RBMS3: variants seen among roughly 807,000 people sequenced by gnomAD.
RBMS3 encodes RNA-binding motif, single-stranded-interacting protein 3.
A neutral mutation model predicts 66.8 loss-of-function variants in RBMS3; 27 were observed. The observed-to-expected ratio is 0.40, with a 90% CI of 0.30 to 0.56. RBMS3 has a LOEUF of 0.56. Among genes scored for constraint, RBMS3 ranks in the 20% least tolerant of loss-of-function variants. The pLI is 0.40. For synonymous variants in RBMS3, 188 were observed against 183.0 expected, an observed-to-expected ratio of 1.03 and a Z score of -0.22; for missense variants, 513 against 549.5, an observed-to-expected ratio of 0.93 and a Z score of 0.66.
intron 1 of RBMS3, among the ~76,000 whole-genome samples, chr3:29,399,890 T>C (rs1305422234): frequency 1.3e-5 from 2 of 152,142 alleles, no homozygotes; most frequent in Admixed American, 6.5e-5. Context: ...AAGAGAATTA[T>C]AGAAAACTAC....
At chr3:29,911,522 C>T (rs184084900) in intron 10 of RBMS3, among the ~76,000 whole-genome samples, 1 of 152,038 alleles carries the variant, frequency 6.6e-6, no homozygotes, top group African/African-American at 2.4e-5. Context: ...ACAAGTTCTC[C>T]ACTCAGAGTT....
chr3:29,501,329 C>T (rs551907637), intron 3 of RBMS3, among the ~76,000 whole-genome samples: 2 of 152,108 alleles, frequency 1.3e-5, no homozygotes, highest in African/African-American at 2.4e-5. Context: ...CCACTCTGTG[C>T]GTCTTTCAAA....
At chr3:29,959,604 T>C (rs1696278429) in intron 12 of RBMS3, among the ~76,000 whole-genome samples, 1 of 152,092 alleles carries the variant, frequency 6.6e-6, no homozygotes, top group Non-Finnish European at 1.5e-5. Context: ...GGTATATAAG[T>C]TCATTTTCAT....
rs114529977 is a variant in RBMS3 at position 29,431,872 on chromosome 3, C to T, written c.76-2871C>T. Among the ~76,000 whole-genome samples the T allele has an allele frequency of 7.3e-3, 1,110 of 152,158 alleles. 22 individuals are homozygous for T. Among genetic ancestry groups the T allele is most frequent in the African/African-American group, 0.025 (1,036 of 41,504 alleles). ...TCCTGGATAGCAGAGACCACAGGCACATGGTACCACACCCAGCTAATTTTT... is the reference window on the plus strand; with the variant it reads ...TCCTGGATAGCAGAGACCACAGGCATATGGTACCACACCCAGCTAATTTTT... On this transcript the variant is annotated intron_variant, in intron 1 of 14. Transcript: ENST00000383767.
intron 1 of RBMS3, among the ~76,000 whole-genome samples, chr3:29,429,933 T>TTTTATTTA (rs3041547): frequency 6.7e-6 from 1 of 149,724 alleles, no homozygotes; most frequent in African/African-American, 2.5e-5. Flanking sequence ...TTGACACTTC[T>TTTTATTTA]TTTATTTATT....
At chr3:29,468,329 G>A (rs2042608423) in intron 2 of RBMS3, among the ~76,000 whole-genome samples, 2 of 152,144 alleles carry the variant, frequency 1.3e-5, no homozygotes, top group Admixed American at 1.3e-4. Context: ...CTTGCGGTTT[G>A]ATGGGACTTA....
At position 29,685,152 on chromosome 3, in the gene RBMS3, G is replaced by C. The variant is rs187611294; in HGVS notation, c.400-54568G>C. Among the ~76,000 whole-genome samples the C allele has an allele frequency of 1.8e-4, 28 of 152,080 alleles. 1 individual carries two copies. In the East Asian group the frequency reaches 5.3e-3, roughly 29 times the overall value. ...CGGCTCACTGCAAGCTCCGCCTCCC[G>C]GGTTCACACCATTCTCCTGCCTCAG... On this transcript the variant is annotated intron_variant, in intron 4 of 14. Transcript: ENST00000383767.
intron 1 of RBMS3, among the ~76,000 whole-genome samples, chr3:29,351,118 A>G (rs924781522): frequency 5.3e-5 from 8 of 152,096 alleles, no homozygotes; most frequent in African/African-American, 1.7e-4. Flanking sequence ...CTCTTAAAGC[A>G]CTACCTCATT....
intron 12 of RBMS3, among the ~76,000 whole-genome samples, chr3:29,959,861 ATGATTCAAT>A (rs1338060044): frequency 6.6e-6 from 1 of 152,088 alleles, no homozygotes; most frequent in Non-Finnish European, 1.5e-5. Flanking sequence ...GAACTGCCCC[ATGATTCAAT>A]TGTCTCCCAC....
intron 1 of RBMS3, among the ~76,000 whole-genome samples, chr3:29,350,278 G>A (rs1195771196): frequency 6.6e-6 from 1 of 152,018 alleles, no homozygotes; most frequent in African/African-American, 2.4e-5. Flanking sequence ...GTTCCTGCTA[G>A]TTAGCATGGT....
At chr3:29,759,131 T>A (rs1291114193) in intron 5 of RBMS3, among the ~76,000 whole-genome samples, 4 of 152,054 alleles carry the variant, frequency 2.6e-5, no homozygotes, top group African/African-American at 9.7e-5. Context: ...TCTACTAATA[T>A]TGGATCAGCC....
chr3:29,985,594 A>G (rs761754341), intron 12 of RBMS3, among the ~76,000 whole-genome samples: 1 of 152,104 alleles, frequency 6.6e-6, no homozygotes, highest in African/African-American at 2.4e-5. Flanking sequence ...TCCCTTGGCT[A>G]GGAGAGGGAG....
intron 10 of RBMS3, among the ~76,000 whole-genome samples, chr3:29,932,393 C>T (rs1368742531): frequency 6.6e-6 from 1 of 152,160 alleles, no homozygotes; most frequent in Non-Finnish European, 1.5e-5. Context: ...TATACGATAG[C>T]AGTTTTTAGA....
intron 6 of RBMS3, among the ~76,000 whole-genome samples, chr3:29,774,623 T>C (rs1031306423): frequency 6.6e-6 from 1 of 152,052 alleles, no homozygotes; most frequent in Non-Finnish European, 1.5e-5. Flanking sequence ...TTTCTGGTGG[T>C]CTACAAGGTC....
At chr3:30,003,505 A>G (rs1699702659) in intron 14 of RBMS3, among the ~76,000 whole-genome samples, 2 of 151,940 alleles carry the variant, frequency 1.3e-5, no homozygotes, top group Admixed American at 6.6e-5. Flanking sequence ...CATACAACCC[A>G]GTTATTTTGG....
intron 3 of RBMS3, among the ~76,000 whole-genome samples, chr3:29,520,104 G>A (rs2044797363): frequency 6.6e-6 from 1 of 152,052 alleles, no homozygotes; most frequent in African/African-American, 2.4e-5. Flanking sequence ...ATATTAAGAA[G>A]GTCCATTCAT....
At chr3:29,507,589 G>A (rs1441903239) in intron 3 of RBMS3, among the ~76,000 whole-genome samples, 2 of 152,062 alleles carry the variant, frequency 1.3e-5, no homozygotes, top group Non-Finnish European at 2.9e-5. Flanking sequence ...CTTGATATGT[G>A]TAATTATCAG....
intron 4 of RBMS3, among the ~76,000 whole-genome samples, chr3:29,688,104 G>A (rs149701762): frequency 1.3e-5 from 2 of 152,168 alleles, no homozygotes; most frequent in Non-Finnish European, 2.9e-5. Flanking sequence ...CAAAGCAAGA[G>A]CTAGCTTTCT....
intron 1 of RBMS3, 85 bp downstream of exon 1, chr3:29,281,841 T>C: frequency 4.4e-6 from 5 of 1,147,608 alleles, no homozygotes; most frequent in Non-Finnish European, 2.6e-6. Flanking sequence ...GAATTATTAG[T>C]TAACCCCCAC....
Sources: gnomAD v4.1 joint callset for allele counts (sites outside exome capture counted in the v4.1 genomes callset) on GRCh38, gnomAD v4.1.1 for gene constraint, MANE v1.5 for transcripts, NCBI Gene and HGNC (gene_info 2026-07-23, HGNC 2026-07-21) for gene names.